Variants in PKHD1L1 observed in about 807,000 individuals in gnomAD.
PKHD1L1 encodes the protein PKHD1 like 1.
A neutral mutation model predicts 462.9 loss-of-function variants in PKHD1L1; 434 were observed. The observed-to-expected ratio is 0.94, with a 90% CI of 0.87 to 1.02. PKHD1L1 has a LOEUF of 1.02. Among genes scored for constraint, PKHD1L1 ranks in the 50% least tolerant of loss-of-function variants. The pLI, the probability that PKHD1L1 is intolerant of heterozygous loss-of-function variation, is 0.00. For missense variants in PKHD1L1, 5,202 were observed against 5,096.1 expected, an observed-to-expected ratio of 1.02 and a Z score of -0.63; for synonymous variants, 1,781 against 1,750.0, an observed-to-expected ratio of 1.02 and a Z score of -0.44.
At chr8:109,416,443 C>T (rs1189342699) in intron 21 of PKHD1L1, among the ~76,000 whole-genome samples, 1 of 152,150 alleles carries the variant, frequency 6.6e-6, no homozygotes, top group African/African-American at 2.4e-5. Context: ...TAATAATTAA[C>T]AATATCAATT....
chr8:109,535,927 G>A lies in PKHD1L1; in HGVS notation c.*5837G>A, dbSNP rs1388211680. Among the ~76,000 whole-genome samples, 2 of 152,182 alleles carry A rather than the reference G, an allele frequency of 1.3e-5. No individual in the cohort carries two copies. Among genetic ancestry groups the A allele is most frequent in the African/African-American group, 2.4e-5 (1 of 41,432 alleles). ...GAGAGAGAGGGGAAGGATTGTAAGT[G>A]TCATAGTTCTGACAGCTGCTCTTTC... On this transcript the variant is annotated 3_prime_UTR_variant, in exon 78 of 78. Coordinates refer to ENST00000378402, the MANE Select transcript of PKHD1L1 (RefSeq NM_177531.6).
rs1819766223 is a variant in PKHD1L1 at position 109,507,758 on chromosome 8, GT to G, written c.11092del (p.Ser3698LeufsTer2). 6.2e-7 allele frequency: 1 copy of G among 1,613,422 alleles called. No individual in the cohort carries two copies. Among genetic ancestry groups the G allele is most frequent in the East Asian group, 2.2e-5 (1 of 44,830 alleles). On this transcript the variant is annotated frameshift_variant, in exon 69 of 78. Coordinates refer to ENST00000378402, the MANE Select transcript of PKHD1L1 (RefSeq NM_177531.6). LOFTEE classifies it high-confidence loss of function. The stretch of plus-strand genomic sequence containing the variant: ...GATGGCTCCTTTCTGGGGAATGCTG[GT>G]TCTGTGATACCTCAAGCAGAATATG... Reference protein sequence around the residue: ...DIDGSFLGNAGSVIPQAEYEW... With the variant: ...DIDGSFLGNAXSVIPQAEYEW...
rs73700626 is a variant in PKHD1L1 at position 109,521,199 on chromosome 8, G to A, written c.12032-987G>A. Among the ~76,000 whole-genome samples, 144 of 152,272 alleles carry A rather than the reference G, an allele frequency of 9.5e-4. 1 individual carries two copies. Among genetic ancestry groups the A allele is most frequent in the Middle Eastern group, 3.4e-3 (1 of 294 alleles). ...CATGTCAGACCTGCTGGCCCAAGAC[G>A]TTACCTCCTTCTTCCTGAGCACTCT... On this transcript the variant is annotated intron_variant, in intron 73 of 77. Coordinates refer to ENST00000378402, the MANE Select transcript of PKHD1L1 (RefSeq NM_177531.6).
intron 67 of PKHD1L1, among the ~76,000 whole-genome samples, chr8:109,500,007 T>A (rs1454581480): frequency 2.0e-5 from 3 of 152,162 alleles, no homozygotes; most frequent in African/African-American, 7.2e-5. Context: ...GGTATGTGGC[T>A]CCTTTTTGGC....
rs754381653 is a variant in PKHD1L1, at chr8:109,445,120, A to G, written c.5251A>G (p.Ile1751Val). Residue 1751 changes from isoleucine (I) to valine (V), a missense_variant, in exon 38 of 78, where the codon ATA becomes GTA. Ile to Val is a conservative substitution (Grantham distance 29). Around this residue, in one of 3 missense-constraint regions of PKHD1L1, gnomAD observed 4,497 missense variants for 4,336.8 expected, o/e 1.04. Transcript: ENST00000378402. ...ATACTTAGAAAGCATCACTCCTTAC[A>G]TAACAGGAGTCTTCCCAAACTCTGT... ...FSYLESITPYITGVFPNSVIG... is the reference protein window; with the variant it reads ...FSYLESITPYVTGVFPNSVIG... 2.5e-5 allele frequency: 41 copies of G among 1,613,858 alleles called. No individual in the cohort carries two copies. The highest frequency in any genetic ancestry group is 1.1e-4 in the African/African-American group (8 of 74,924).
At position 109,404,445 on chromosome 8, in the gene PKHD1L1, C is replaced by T. The variant is rs138919127; in HGVS notation, c.1374-109C>T. The T allele has an allele frequency of 2.1e-3, 1,322 of 623,562 alleles. 3 individuals are homozygous for T. Among genetic ancestry groups the T allele is most frequent in the Middle Eastern group, 2.9e-3 (6 of 2,054 alleles). 38.6% of individuals were successfully genotyped at this position (623,562 alleles called of 1,614,324 possible). A position where few individuals can be genotyped will look rare whatever the true frequency, so the allele number is the denominator to read the frequency against. On this transcript the variant is annotated intron_variant, in intron 14 of 77. Transcript: ENST00000378402. ...AAATATGAGATACTACAATATAAGT[C>T]ATTTAACAGGCAGGCTTTTAAGATA... is the stretch of plus-strand genomic sequence containing the variant.
In PKHD1L1 at chr8:109,427,173, T is replaced by G. The variant is rs564333094; in HGVS notation, c.3000+17T>G. The G allele has an allele frequency of 8.8e-6, 14 of 1,596,116 alleles. No homozygotes were observed. In the South Asian group the frequency reaches 1.6e-4, roughly 18 times the overall value. On this transcript the variant is annotated intron_variant, in intron 25 of 77. Transcript: ENST00000378402. ...CTTCTACAGGTTCCCTCATTTGGCT[T>G]GGCTTCTCTTTTCTTCTATGTGCTG...
At chr8:109,443,214 T>G in intron 36 of PKHD1L1, 98 bp downstream of exon 36, 1 of 1,145,540 alleles carries the variant, frequency 8.7e-7, no homozygotes, top group Non-Finnish European at 1.3e-6. Context: ...TAACTGTGCT[T>G]CTATCTTACT....
At chr8:109,503,231 G>T (rs1586634682) in intron 67 of PKHD1L1, among the ~76,000 whole-genome samples, 1 of 133,452 alleles carries the variant, frequency 7.5e-6, no homozygotes, top group South Asian at 2.5e-4. Flanking sequence ...CTTGAACCCA[G>T]GAGGCGGAGG....
intron 11 of PKHD1L1, among the ~76,000 whole-genome samples, chr8:109,396,945 A>G (rs1448403919): frequency 6.6e-6 from 1 of 152,206 alleles, no homozygotes; most frequent in African/African-American, 2.4e-5. Context: ...AAGCAACCTC[A>G]TGTAATATTT....
At chr8:109,495,955 A>G (rs1235230296) in intron 63 of PKHD1L1, among the ~76,000 whole-genome samples, 1 of 152,184 alleles carries the variant, frequency 6.6e-6, no homozygotes, top group Non-Finnish European at 1.5e-5. Flanking sequence ...TAATGAGTAT[A>G]GTTGCCATTT....
chr8:109,425,195 C>A lies in PKHD1L1; in HGVS notation c.2808C>A (p.Gly936=), dbSNP rs117675722. Reference sequence around the variant, plus strand: ...AAGCTGCATCTCCACCTCTAAGTGGCAGCTTTGACATTCAAGCTTATGGAC... The same window carrying A: ...AAGCTGCATCTCCACCTCTAAGTGGAAGCTTTGACATTCAAGCTTATGGAC... ...RIQAASPPLS[G]SFDIQAYGHI... The change falls in exon 24 of 78, where the codon GGC becomes GGA. Residue 936 remains glycine (G), a synonymous_variant. Coordinates refer to ENST00000378402, the MANE Select transcript of PKHD1L1 (RefSeq NM_177531.6). The A allele has an allele frequency of 0.013, 20,987 of 1,605,836 alleles. 150 individuals are homozygous for A. Among genetic ancestry groups the A allele is most frequent in the Non-Finnish European group, 0.016 (18,684 of 1,176,998 alleles).
intron 63 of PKHD1L1, among the ~76,000 whole-genome samples, chr8:109,495,078 A>G (rs992969021): frequency 6.6e-6 from 1 of 151,904 alleles, no homozygotes; most frequent in Admixed American, 6.6e-5. Flanking sequence ...TATTTTTAAG[A>G]TTCTTTGAAT....
At chr8:109,372,469 C>T (rs1175455888) in intron 2 of PKHD1L1, among the ~76,000 whole-genome samples, 2 of 152,204 alleles carry the variant, frequency 1.3e-5, no homozygotes, top group African/African-American at 4.8e-5. Context: ...ATTTGACTTC[C>T]TCTTTTCCTA....
In PKHD1L1 at chr8:109,536,668, T is replaced by G. The variant is rs182056837; in HGVS notation, c.*6578T>G. Among the ~76,000 whole-genome samples, 28 of 152,348 alleles carry G rather than the reference T, an allele frequency of 1.8e-4. No homozygotes were observed. The highest frequency in any genetic ancestry group is 1.7e-3 in the East Asian group (9 of 5,188). Reference sequence around the variant, plus strand: ...TTCACCTCATCTTTTCATTTGAATTTATTTCTACTAAAATATATGTATTAT... The same window carrying G: ...TTCACCTCATCTTTTCATTTGAATTGATTTCTACTAAAATATATGTATTAT... On this transcript the variant is annotated 3_prime_UTR_variant, in exon 78 of 78. Coordinates refer to ENST00000378402, the MANE Select transcript of PKHD1L1 (RefSeq NM_177531.6).
intron 10 of PKHD1L1, among the ~76,000 whole-genome samples, chr8:109,395,544 A>G (rs914952254): frequency 4.6e-5 from 7 of 152,220 alleles, no homozygotes; most frequent in Non-Finnish European, 5.9e-5. Context: ...TTTAGTAAGA[A>G]TCTGCCATAT....
chr8:109,372,778 T>G (rs1435128416), intron 2 of PKHD1L1, among the ~76,000 whole-genome samples: 1 of 152,134 alleles, frequency 6.6e-6, no homozygotes. Context: ...GGTTTTTGTC[T>G]TTGGTTCTGT....
intron 2 of PKHD1L1, among the ~76,000 whole-genome samples, chr8:109,374,166 T>C (rs1811677168): frequency 6.6e-6 from 1 of 152,206 alleles, no homozygotes; most frequent in Non-Finnish European, 1.5e-5. Flanking sequence ...CAGGACTTGA[T>C]TTATGAATCT....
chr8:109,455,842 G>A (rs1322529874), intron 45 of PKHD1L1, among the ~76,000 whole-genome samples: 4 of 151,598 alleles, frequency 2.6e-5, no homozygotes, highest in South Asian at 4.2e-4. Context: ...TCCTACATAG[G>A]GCTCAATATA....
Sources: allele counts gnomAD v4.1 joint callset (sites outside exome capture counted in the v4.1 genomes callset), GRCh38; gene constraint gnomAD v4.1.1; regional missense constraint gnomAD v4.1.1; transcripts MANE v1.5; gene names NCBI Gene and HGNC (gene_info 2026-07-23, HGNC 2026-07-21).